Variants in SGK1 observed in about 807,000 individuals in gnomAD.
SGK1 encodes the protein serum/glucocorticoid regulated kinase 1.
In SGK1, 26 loss-of-function variants were observed where a neutral mutation model predicts 64.2. That is an observed-to-expected ratio of 0.40 (90% CI 0.30 to 0.56). The LOEUF is 0.56. Among genes scored for constraint, SGK1 ranks in the 20% least tolerant of loss-of-function variants. The pLI is 0.38. For missense variants in SGK1, 519 were observed against 645.6 expected (o/e 0.80, Z 2.12); for synonymous variants, 265 against 239.7 (o/e 1.11, Z -0.98).
intron 3 of SGK1, among the ~76,000 whole-genome samples, chr6:134,202,884 G>A (rs565073525): frequency 2.3e-4 from 35 of 152,206 alleles, no homozygotes; most frequent in African/African-American, 7.9e-4. Flanking sequence ...AAAAGATGAG[G>A]GTAGAGTGGG....
chr6:134,175,770 C>A (rs1775216989), intron 3 of SGK1: 2 of 1,334,230 alleles, frequency 1.5e-6, no homozygotes, highest in Non-Finnish European at 1.9e-6. Flanking sequence ...TGCCCCGAGT[C>A]CCAAAACAAA....
rs531159027 is a variant in SGK1, at chr6:134,184,540, G to A, written c.362-9954C>T. On this transcript the variant is annotated intron_variant, in intron 3 of 13. Transcript: ENST00000367858. ...AAAAAAAAAAAAAAATCACAGTGAC[G>A]CAGTGGACCAAAAGTAGCCAGCAGC... Among the ~76,000 whole-genome samples the A allele has an allele frequency of 3.6e-3, 541 of 148,282 alleles. 1 individual carries two copies. Among genetic ancestry groups the A allele is most frequent in the Non-Finnish European group, 6.3e-3 (426 of 67,328 alleles).
chr6:134,171,011 AACATC>A lies in SGK1; in HGVS notation c.1323+7_1323+11del, dbSNP rs774028416. 3.4e-5 allele frequency: 55 copies of A among 1,613,892 alleles called. No homozygotes were observed. In the South Asian group the frequency reaches 5.1e-4, roughly 15 times the overall value. On this transcript the variant is annotated splice_region_variant and intron_variant, in intron 12 of 13. Coordinates refer to ENST00000367858, the MANE Select transcript of SGK1 (RefSeq NM_001143676.3). ...CCCGGCCGGCCCAGGAGGACAGGAA[AACATC>A]ACTCACGAAGTCATCCTTGGCCCCG...
intron 3 of SGK1, 41 bp downstream of exon 3, chr6:134,207,315 C>G (rs1366961426): frequency 8.2e-7 from 1 of 1,221,390 alleles, no homozygotes; most frequent in African/African-American, 1.5e-5. Flanking sequence ...AGAATGTATC[C>G]TGTACATAAC....
intron 1 of SGK1, among the ~76,000 whole-genome samples, chr6:134,312,634 T>C: frequency 6.6e-6 from 1 of 152,240 alleles, no homozygotes; most frequent in East Asian, 1.9e-4. Context: ...TGGAGCCTGG[T>C]GCTGGGATCC....
chr6:134,280,146 G>A (rs1243263695), intron 1 of SGK1, among the ~76,000 whole-genome samples: 2 of 146,798 alleles, frequency 1.4e-5, no homozygotes, highest in Non-Finnish European at 3.0e-5. Flanking sequence ...AGTGAGCCAC[G>A]ATCATGCCAT....
chr6:134,242,576 A>G (rs1776465814), intron 2 of SGK1, among the ~76,000 whole-genome samples: 1 of 151,884 alleles, frequency 6.6e-6, no homozygotes, highest in Non-Finnish European at 1.5e-5. Flanking sequence ...ATTTACCCAC[A>G]GTTGCTTTAT....
chr6:134,240,162 G>A (rs568669049), intron 2 of SGK1, among the ~76,000 whole-genome samples: 5 of 152,154 alleles, frequency 3.3e-5, no homozygotes, highest in Admixed American at 3.3e-4. Context: ...GATGGTGACC[G>A]ACGCCTATAG....
At chr6:134,299,205 A>C (rs1446779926) in intron 1 of SGK1, among the ~76,000 whole-genome samples, 5 of 150,220 alleles carry the variant, frequency 3.3e-5, no homozygotes, top group Non-Finnish European at 5.9e-5. Context: ...AAAATTACAA[A>C]AAAAAAAAAA....
At chr6:134,287,394 TTGTC>T (rs914139954) in intron 1 of SGK1, among the ~76,000 whole-genome samples, 12 of 151,756 alleles carry the variant, frequency 7.9e-5, no homozygotes, top group Non-Finnish European at 1.8e-4. Flanking sequence ...TATAAATTAA[TTGTC>T]TGGTTGTATT....
intron 1 of SGK1, among the ~76,000 whole-genome samples, chr6:134,274,361 G>T (rs1776988269): frequency 1.3e-5 from 2 of 152,136 alleles, no homozygotes; most frequent in African/African-American, 4.8e-5. Context: ...AAGATCAAAG[G>T]AGCTAGATGA....
At chr6:134,290,422 T>A (rs1777247800) in intron 1 of SGK1, among the ~76,000 whole-genome samples, 1 of 150,786 alleles carries the variant, frequency 6.6e-6, no homozygotes, top group South Asian at 2.1e-4. Flanking sequence ...ATCTGTGATT[T>A]TCTGTCAAAA....
At chr6:134,257,576 T>C (rs911181396) in intron 2 of SGK1, among the ~76,000 whole-genome samples, 7 of 152,266 alleles carry the variant, frequency 4.6e-5, no homozygotes, top group East Asian at 1.9e-4. Context: ...TTTACCTCCC[T>C]TTTTTTCTTG....
At position 134,170,996 on chromosome 6, in the gene SGK1, C is replaced by T. The variant is rs375575573; in HGVS notation, c.1323+27G>A. ...AGGTCTAGTGCACGTCCCGGCCGGC[C>T]CAGGAGGACAGGAAAACATCACTCA... On this transcript the variant is annotated intron_variant, in intron 12 of 13. Coordinates refer to ENST00000367858, the MANE Select transcript of SGK1 (RefSeq NM_001143676.3). 20 of 1,613,744 alleles carry T rather than the reference C, an allele frequency of 1.2e-5. No homozygotes were observed. The African/African-American group carries it at 2.7e-4, about 22-fold the overall frequency.
At chr6:134,170,556 T>G (rs1335150622) in intron 13 of SGK1, 121 bp from the exon 14 acceptor site, 7 of 927,250 alleles carry the variant, frequency 7.5e-6, no homozygotes, top group Non-Finnish European at 1.1e-5. Context: ...AATCACCCAC[T>G]TCAAGCACAA....
rs111781713 is a variant in SGK1, at chr6:134,197,805, C to T, written c.361+9551G>A. On this transcript the variant is annotated intron_variant, in intron 3 of 13. Transcript: ENST00000367858. ...CGCGCCACTGAGAGCACTGCCTGGG[C>T]GACAAAGCAAGACTCCATCTCAAAG... Among the ~76,000 whole-genome samples, 762 of 141,518 alleles carry T rather than the reference C, an allele frequency of 5.4e-3. 8 individuals are homozygous for T. The highest frequency in any genetic ancestry group is 0.019 in the African/African-American group (729 of 37,392). The allele number at this position is 141,518 out of a possible 152,430, so 92.8% of individuals were successfully genotyped here.
chr6:134,268,757 G>T (rs1776896813), intron 1 of SGK1, among the ~76,000 whole-genome samples: 2 of 145,436 alleles, frequency 1.4e-5, no homozygotes, highest in South Asian at 4.6e-4. Context: ...CTCACTTGGG[G>T]TTTATAGGAG....
At chr6:134,256,569 GA>G (rs978100784) in intron 2 of SGK1, among the ~76,000 whole-genome samples, 2 of 152,164 alleles carry the variant, frequency 1.3e-5, no homozygotes, top group Non-Finnish European at 2.9e-5. Flanking sequence ...ATACAATACA[GA>G]GTAGAGTTTG....
chr6:134,177,966 T>G, intron 3 of SGK1: 1 of 781,666 alleles, frequency 1.3e-6, no homozygotes, highest in Non-Finnish European at 2.0e-6. Flanking sequence ...CTCAGAAAAT[T>G]ACAGTCATCA....
Sources: allele counts gnomAD v4.1 joint callset (sites outside exome capture counted in the v4.1 genomes callset), GRCh38; gene constraint gnomAD v4.1.1; transcripts MANE v1.5; gene names NCBI Gene and HGNC (gene_info 2026-07-23, HGNC 2026-07-21).